CPNE4: variants seen among roughly 807,000 people sequenced by gnomAD.
CPNE4 encodes copine 4, also known as copine-4.
Under a neutral mutation model 67.9 loss-of-function variants are expected in CPNE4, and 25 were observed. The ratio of observed to expected loss-of-function variants is 0.37; its 90% CI spans 0.27 to 0.51. The LOEUF (loss-of-function observed/expected upper bound fraction) is 0.51. Ranked by LOEUF, CPNE4 falls within the 20% of genes least tolerant of loss-of-function variation. CPNE4 has a pLI of 0.93. For synonymous variants in CPNE4, 242 were observed against 244.9 expected, an observed-to-expected ratio of 0.99 and a Z score of 0.11; for missense variants, 464 against 690.8, an observed-to-expected ratio of 0.67 and a Z score of 3.68.
intron 7 of CPNE4, among the ~76,000 whole-genome samples, chr3:131,633,997 A>G (rs1480159263): frequency 6.6e-6 from 1 of 152,172 alleles, no homozygotes; most frequent in African/African-American, 2.4e-5. Context: ...AATTATTTCC[A>G]TAGAACAAAT....
At chr3:131,874,192 C>CA (rs763264703) in intron 2 of CPNE4, among the ~76,000 whole-genome samples, 3 of 151,904 alleles carry the variant, frequency 2.0e-5, no homozygotes, top group Non-Finnish European at 4.4e-5. Flanking sequence ...GGGTTCACGC[C>CA]ATTCTCCTGC....
chr3:131,951,265 T>C (rs894329855), intron 1 of CPNE4, among the ~76,000 whole-genome samples: 1 of 152,240 alleles, frequency 6.6e-6, no homozygotes, highest in Non-Finnish European at 1.5e-5. Flanking sequence ...TATTATAATT[T>C]ATGTGCTTAT....
At chr3:131,916,360 A>AC (rs1413398196) in intron 1 of CPNE4, among the ~76,000 whole-genome samples, 1 of 151,892 alleles carries the variant, frequency 6.6e-6, no homozygotes, top group African/African-American at 2.4e-5. Context: ...AAAAAAAAAA[A>AC]AAAAAACAGA....
At chr3:132,020,079 T>C (rs577712821) in intron 1 of CPNE4, among the ~76,000 whole-genome samples, 1 of 151,568 alleles carries the variant, frequency 6.6e-6, no homozygotes, top group East Asian at 1.9e-4. Context: ...AGTCCCATCC[T>C]GTTCCTCTTA....
chr3:131,815,818 C>T (rs1163698239), intron 2 of CPNE4, among the ~76,000 whole-genome samples: 1 of 152,166 alleles, frequency 6.6e-6, no homozygotes. Flanking sequence ...TGACCACAGA[C>T]ATCTGGGTAT....
intron 3 of CPNE4, among the ~76,000 whole-genome samples, chr3:131,720,310 G>T (rs1227655319): frequency 1.4e-5 from 2 of 142,334 alleles, no homozygotes; most frequent in African/African-American, 5.4e-5. Context: ...TTTTTGAGAC[G>T]GAGTCTCACT....
intron 1 of CPNE4, among the ~76,000 whole-genome samples, chr3:131,920,115 G>T (rs1468405708): frequency 6.6e-6 from 1 of 152,112 alleles, no homozygotes; most frequent in Non-Finnish European, 1.5e-5. Context: ...CATAAATGCT[G>T]CAGGCCAAAG....
At chr3:131,586,203 C>T (rs950307812) in intron 8 of CPNE4, among the ~76,000 whole-genome samples, 9 of 152,300 alleles carry the variant, frequency 5.9e-5, no homozygotes, top group Middle Eastern at 3.4e-3. Flanking sequence ...GAGCCCTCTG[C>T]TTTCACTCCT....
chr3:131,668,942 T>C (rs1295396360), intron 7 of CPNE4, among the ~76,000 whole-genome samples: 1 of 152,188 alleles, frequency 6.6e-6, no homozygotes, highest in Non-Finnish European at 1.5e-5. Context: ...GTAGTCTATC[T>C]CCTTACCTTT....
chr3:131,879,424 T>A (rs150288396), intron 2 of CPNE4, among the ~76,000 whole-genome samples: 1 of 152,358 alleles, frequency 6.6e-6, no homozygotes, highest in Admixed American at 6.5e-5. Context: ...CTATCTTCTA[T>A]GATAAATTAA....
At chr3:132,013,921 C>T (rs1432865811) in intron 1 of CPNE4, among the ~76,000 whole-genome samples, 1 of 152,140 alleles carries the variant, frequency 6.6e-6, no homozygotes, top group Non-Finnish European at 1.5e-5. Flanking sequence ...TATAATGCTG[C>T]TTACGATAAT....
At chr3:131,592,494 C>T (rs1246922559) in intron 7 of CPNE4, among the ~76,000 whole-genome samples, 1 of 152,148 alleles carries the variant, frequency 6.6e-6, no homozygotes, top group Non-Finnish European at 1.5e-5. Flanking sequence ...TACAGGTTAA[C>T]TGCCATTTAC....
intron 7 of CPNE4, among the ~76,000 whole-genome samples, chr3:131,600,852 C>T (rs1181148120): frequency 6.6e-6 from 1 of 152,162 alleles, no homozygotes; most frequent in Non-Finnish European, 1.5e-5. Flanking sequence ...CTATGTGCTC[C>T]TTATATCTTG....
In CPNE4 at chr3:131,669,648, C is replaced by G. The variant is rs369611516; in HGVS notation, c.681+27G>C. ...AGATTAAATACTTTTTTTAAAAAAT[C>G]ACATTTCTTGGACACAGATTTCTGA... On this transcript the variant is annotated intron_variant, in intron 7 of 15. Coordinates refer to ENST00000429747, the MANE Select transcript of CPNE4 (RefSeq NM_130808.3). 1.7e-4 allele frequency: 257 copies of G among 1,541,572 alleles called. 1 individual carries two copies. Among genetic ancestry groups the G allele is most frequent in the Non-Finnish European group, 2.1e-4 (234 of 1,131,632 alleles).
chr3:131,881,252 T>C (rs942763856), intron 2 of CPNE4, among the ~76,000 whole-genome samples: 15 of 152,306 alleles, frequency 9.8e-5, no homozygotes, highest in African/African-American at 3.6e-4. Flanking sequence ...TTACCAATTA[T>C]ACCTTTAGCT....
rs867738166 is a variant in CPNE4 at position 131,952,183 on chromosome 3, G to C, written c.-1-46739C>G. On this transcript the variant is annotated intron_variant, in intron 1 of 15. Coordinates refer to ENST00000429747, the MANE Select transcript of CPNE4 (RefSeq NM_130808.3). ...GAGCATCTCTGCCCGGCCGCCCATC[G>C]TCTGAGATGTGGGGAGCGCCTCTGC... Among the ~76,000 whole-genome samples, 23 of 145,446 alleles carry C rather than the reference G, an allele frequency of 1.6e-4. 1 individual carries two copies. The highest frequency in any genetic ancestry group is 6.7e-4 in the South Asian group (3 of 4,468).
chr3:131,965,702 C>G (rs1462167905), intron 1 of CPNE4, among the ~76,000 whole-genome samples: 1 of 152,214 alleles, frequency 6.6e-6, no homozygotes, highest in Non-Finnish European at 1.5e-5. Context: ...GCACCCAATA[C>G]AGGGGCACCC....
intron 5 of CPNE4, among the ~76,000 whole-genome samples, chr3:131,692,282 A>G (rs1027489801): frequency 2.0e-5 from 3 of 152,174 alleles, no homozygotes; most frequent in Admixed American, 6.6e-5. Flanking sequence ...TGCTTTATCT[A>G]TAAAATGGAA....
intron 7 of CPNE4, among the ~76,000 whole-genome samples, chr3:131,609,551 A>G (rs1939706549): frequency 6.6e-6 from 1 of 152,202 alleles, no homozygotes; most frequent in Non-Finnish European, 1.5e-5. Flanking sequence ...CATTGTATGA[A>G]GACTGCCCAA....
Sources: allele counts gnomAD v4.1 joint callset (sites outside exome capture counted in the v4.1 genomes callset), GRCh38; gene constraint gnomAD v4.1.1; transcripts MANE v1.5; gene names NCBI Gene and HGNC (gene_info 2026-07-23, HGNC 2026-07-21).